The following ACTR10 variants were observed in gnomAD, a reference collection of about 807,000 sequenced individuals.
ACTR10 encodes actin related protein 10.
ACTR10 carries 43 observed loss-of-function variants against 56.2 expected under a neutral mutation model. The observed-to-expected ratio is 0.77, with a 90% CI of 0.60 to 0.99. The LOEUF is 0.99. ACTR10 is among the 50% of genes least tolerant of loss of function. The pLI, the probability that ACTR10 is intolerant of heterozygous loss-of-function variation, is 0.00. For missense variants in ACTR10, 466 were observed against 507.8 expected (o/e 0.92, Z 0.79); for synonymous variants, 170 against 176.3 (o/e 0.96, Z 0.28).
intron 8 of ACTR10, among the ~76,000 whole-genome samples, chr14:58,221,079 C>G (rs377110525): frequency 6.7e-6 from 1 of 149,196 alleles, no homozygotes; most frequent in Non-Finnish European, 1.5e-5. Context: ...GTCAAAAGAT[C>G]GAGACCATTC....
Position 58,234,580 on chromosome 14 carries a change from A to G in ACTR10, c.*29A>G. 2 of 1,588,936 alleles carry G rather than the reference A, an allele frequency of 1.3e-6. No individual in the cohort carries two copies. Among genetic ancestry groups the G allele is most frequent in the South Asian group, 1.1e-5 (1 of 88,504 alleles). On this transcript the variant is annotated 3_prime_UTR_variant, in exon 13 of 13. Coordinates refer to ENST00000254286, the MANE Select transcript of ACTR10 (RefSeq NM_018477.3). ...TTTGATTAAAAATCAACCTTGCTTC[A>G]TATCAAATATTTAACCAATTATAAG...
Position 58,232,063 on chromosome 14 carries a change from C to T in ACTR10, c.871-3C>T. On this transcript the variant is annotated splice_polypyrimidine_tract_variant and splice_region_variant and intron_variant, in intron 11 of 12. Transcript: ENST00000254286. ...ATCCTTCTTTTTTTCTTTTTAATAACAGTGTCCGATAGACACCAGGAAGCA... is the reference window on the plus strand; with the variant it reads ...ATCCTTCTTTTTTTCTTTTTAATAATAGTGTCCGATAGACACCAGGAAGCA... 1 of 1,598,844 alleles carries T rather than the reference C, an allele frequency of 6.3e-7. No homozygotes were observed. Among genetic ancestry groups the T allele is most frequent in the Non-Finnish European group, 8.5e-7 (1 of 1,171,626 alleles).
At chr14:58,219,460 A>G in intron 7 of ACTR10, 1 of 357,212 alleles carries the variant, frequency 2.8e-6, no homozygotes, top group East Asian at 5.1e-5. Flanking sequence ...CACCAGAAAG[A>G]TAAACTTGAA....
At chr14:58,207,313 A>ATTTG (rs34912928) in intron 2 of ACTR10, 33,809 of 143,436 alleles carry the variant, frequency 0.24, 4,186 homozygotes, top group Middle Eastern at 0.35. Flanking sequence ...AGTGCTGGAA[A>ATTTG]TTTGTTTGTT....
At chr14:58,230,162 C>T (rs865847157) in intron 10 of ACTR10, among the ~76,000 whole-genome samples, 2 of 152,232 alleles carry the variant, frequency 1.3e-5, no homozygotes, top group Middle Eastern at 3.4e-3. Flanking sequence ...TAGGGAATGC[C>T]TCCTATGTGC....
At chr14:58,205,381 C>A (rs1283773617) in intron 2 of ACTR10, among the ~76,000 whole-genome samples, 1 of 138,172 alleles carries the variant, frequency 7.2e-6, no homozygotes, top group Non-Finnish European at 1.5e-5. Flanking sequence ...GTAGCATGAT[C>A]TGGGCTCACT....
chr14:58,221,741 A>G (rs991998749), intron 8 of ACTR10, among the ~76,000 whole-genome samples: 2 of 152,094 alleles, frequency 1.3e-5, no homozygotes, highest in African/African-American at 4.8e-5. Flanking sequence ...ACTCTGTCTC[A>G]AAAAAATAAA....
chr14:58,202,417 TAAA>T (rs1171913562), intron 1 of ACTR10, among the ~76,000 whole-genome samples: 1 of 132,682 alleles, frequency 7.5e-6, no homozygotes, highest in African/African-American at 2.7e-5. Flanking sequence ...TCGTCTCTAC[TAAA>T]AAAAAAAAAA....
At chr14:58,211,237 C>T in intron 4 of ACTR10, 55 bp from the exon 5 acceptor site, 1 of 1,321,490 alleles carries the variant, frequency 7.6e-7, no homozygotes, top group African/African-American at 1.5e-5. Flanking sequence ...AGGCAAATAC[C>T]TTCAAATAAT....
chr14:58,223,566 C>T, intron 8 of ACTR10, 56 bp from the exon 9 acceptor site: 2 of 1,383,690 alleles, frequency 1.4e-6, no homozygotes, highest in Non-Finnish European at 2.0e-6. Context: ...GGTGTAGGTA[C>T]ACTCTGTTCA....
Position 58,223,706 on chromosome 14 carries a change from GT to G in ACTR10, c.714+8del. The G allele has an allele frequency of 6.3e-7, 1 of 1,589,460 alleles. No individual in the cohort carries two copies. The highest frequency in any genetic ancestry group is 8.6e-7 in the Non-Finnish European group (1 of 1,168,794). ...AATATTGATGGGAATAATGAGGTAAGTTTAAAAAAAAAAAAGGCATCTTTTT... is the reference window on the plus strand; with the variant it reads ...AATATTGATGGGAATAATGAGGTAAGTTAAAAAAAAAAAAGGCATCTTTTT... On this transcript the variant is annotated splice_donor_region_variant and intron_variant, in intron 9 of 12. Coordinates refer to ENST00000254286, the MANE Select transcript of ACTR10 (RefSeq NM_018477.3).
intron 12 of ACTR10, among the ~76,000 whole-genome samples, chr14:58,233,760 G>A (rs1342458288): frequency 6.6e-6 from 1 of 152,196 alleles, no homozygotes; most frequent in African/African-American, 2.4e-5. Context: ...TTATGATGCA[G>A]TTAGAGCTAG....
In ACTR10 at chr14:58,200,179, G is replaced by A. The variant is rs753775802; in HGVS notation, c.-39G>A. 4.1e-6 allele frequency: 6 copies of A among 1,447,488 alleles called. No homozygotes were observed. Among genetic ancestry groups the A allele is most frequent in the East Asian group, 2.8e-5 (1 of 35,906 alleles). The allele number at this position is 1,447,488 out of a possible 1,614,324, so 89.7% of individuals were successfully genotyped here. On this transcript the variant is annotated 5_prime_UTR_variant, in exon 1 of 13. Transcript: ENST00000254286. Reference sequence around the variant, plus strand: ...GCGAGCGCCGAGACTTGTTGGCCGCGGAGACTGCGACCCTCTTCTCTCAGT... The same window carrying A: ...GCGAGCGCCGAGACTTGTTGGCCGCAGAGACTGCGACCCTCTTCTCTCAGT...
chr14:58,226,578 T>G (rs901175471), intron 10 of ACTR10, among the ~76,000 whole-genome samples: 1 of 152,026 alleles, frequency 6.6e-6, no homozygotes, highest in Non-Finnish European at 1.5e-5. Context: ...TTGTGTTTTG[T>G]TTTTTTGTGT....
intron 6 of ACTR10, among the ~76,000 whole-genome samples, chr14:58,214,652 G>A (rs554008163): frequency 6.6e-6 from 1 of 151,308 alleles, no homozygotes; most frequent in East Asian, 2.0e-4. Flanking sequence ...CGCCACGCCT[G>A]GCTAATTTTG....
chr14:58,204,104 GC>G (rs1361764694), intron 2 of ACTR10, among the ~76,000 whole-genome samples: 1 of 151,894 alleles, frequency 6.6e-6, no homozygotes, highest in Non-Finnish European at 1.5e-5. Context: ...AAAATTGTGG[GC>G]TGGGCAGATT....
intron 2 of ACTR10, among the ~76,000 whole-genome samples, chr14:58,203,838 T>C (rs1210389778): frequency 6.6e-6 from 1 of 152,120 alleles, no homozygotes; most frequent in Non-Finnish European, 1.5e-5. Context: ...TGTTAAAAAA[T>C]GAGATGTAGC....
intron 8 of ACTR10, among the ~76,000 whole-genome samples, chr14:58,222,864 C>G (rs537043319): frequency 3.4e-5 from 5 of 148,520 alleles, no homozygotes; most frequent in African/African-American, 1.2e-4. Flanking sequence ...TTGGTAACAT[C>G]TTTTCACAAC....
At chr14:58,234,335 T>C in intron 12 of ACTR10, 35 bp from the exon 13 acceptor site, 1 of 1,511,996 alleles carries the variant, frequency 6.6e-7, no homozygotes, top group South Asian at 1.4e-5. Context: ...GTAAAAGTTT[T>C]CATCTTAGCT....
Sources: allele counts gnomAD v4.1 joint callset (sites outside exome capture counted in the v4.1 genomes callset), GRCh38; gene constraint gnomAD v4.1.1; transcripts MANE v1.5; gene names NCBI Gene and HGNC (gene_info 2026-07-23, HGNC 2026-07-21).